HIVEP3: variants seen among roughly 807,000 people sequenced by gnomAD.
HIVEP3 encodes the protein transcription factor HIVEP3.
HIVEP3 carries 49 observed loss-of-function variants against 152.8 expected under a neutral mutation model. The ratio of observed to expected loss-of-function variants is 0.32; its 90% CI spans 0.26 to 0.41. The LOEUF (loss-of-function observed/expected upper bound fraction) is 0.41, where lower values mean the gene tolerates loss of function less well. Among genes scored for constraint, HIVEP3 ranks in the 10% least tolerant of loss-of-function variants. The pLI is 1.00. For synonymous variants in HIVEP3, 1,269 were observed against 1,289.0 expected (o/e 0.98, Z 0.33); for missense variants, 2,790 against 3,103.3 (o/e 0.90, Z 2.40).
In HIVEP3 at chr1:41,583,781, AG is replaced by A; in HGVS notation, c.1016del (p.Pro339LeufsTer12). 6.3e-7 allele frequency: 1 copy of A among 1,590,558 alleles called. No individual in the cohort carries two copies. The highest frequency in any genetic ancestry group is 1.3e-5 in the African/African-American group (1 of 74,252). On this transcript the variant is annotated frameshift_variant, in exon 4 of 9. Transcript: ENST00000372583. LOFTEE classifies it high-confidence loss of function. This position sits in a 1 kb window ranked among gnomAD's most constrained non-coding sequence, Gnocchi z 6.9. ...GCTCAGATGAGGGTTCCACAAATGG[AG>A]GGGGGTCTTCGAGTGACTGGGCTGT... ...SSTAQSLEDP[P>X]PFVEPSSEHP...
At chr1:41,684,056 G>T (rs1345535340) in intron 2 of HIVEP3, among the ~76,000 whole-genome samples, 1 of 152,198 alleles carries the variant, frequency 6.6e-6, no homozygotes, top group Admixed American at 6.5e-5. Context: ...ACCTTTGCCT[G>T]ACCTTGAGAT....
chr1:41,635,136 A>G (rs914876879), intron 2 of HIVEP3, among the ~76,000 whole-genome samples: 2 of 152,228 alleles, frequency 1.3e-5, no homozygotes, highest in African/African-American at 4.8e-5. Flanking sequence ...AACAAATAGC[A>G]AAAAATAAAA....
intron 1 of HIVEP3, among the ~76,000 whole-genome samples, chr1:41,995,383 T>C (rs1330080643): frequency 1.3e-5 from 2 of 152,138 alleles, no homozygotes; most frequent in African/African-American, 4.8e-5. Context: ...AAGAAAACAA[T>C]TGCCAATCTA....
At chr1:41,574,273 C>T (rs1256387112) in intron 5 of HIVEP3, among the ~76,000 whole-genome samples, 2 of 152,152 alleles carry the variant, frequency 1.3e-5, no homozygotes, top group Admixed American at 1.3e-4. Flanking sequence ...CAGAGACACA[C>T]GAGGGCGCTC....
intron 3 of HIVEP3, among the ~76,000 whole-genome samples, chr1:41,608,281 C>T (rs1052312137): frequency 6.6e-6 from 1 of 152,158 alleles, no homozygotes; most frequent in African/African-American, 2.4e-5. Flanking sequence ...CCACAATTGC[C>T]AAAAGAAGGA....
intron 1 of HIVEP3, among the ~76,000 whole-genome samples, chr1:41,842,704 A>G (rs1643324869): frequency 6.6e-6 from 1 of 152,170 alleles, no homozygotes; most frequent in Admixed American, 6.5e-5. Context: ...AAGAAAAGGA[A>G]GCAGCATTCT....
intron 1 of HIVEP3, among the ~76,000 whole-genome samples, chr1:41,852,529 T>C (rs1643633064): frequency 6.6e-6 from 1 of 152,232 alleles, no homozygotes; most frequent in Non-Finnish European, 1.5e-5. Context: ...GGGTGGGTTC[T>C]ACACTCCACT....
chr1:41,829,769 TA>T (rs1434561279), intron 1 of HIVEP3, among the ~76,000 whole-genome samples: 1 of 150,818 alleles, frequency 6.6e-6, no homozygotes, highest in Non-Finnish European at 1.5e-5. Context: ...TAGCCTTTTT[TA>T]AAAAAAAATG....
intron 1 of HIVEP3, among the ~76,000 whole-genome samples, chr1:41,868,479 G>A (rs1471637784): frequency 2.6e-5 from 4 of 152,200 alleles, no homozygotes; most frequent in East Asian, 3.9e-4. Flanking sequence ...CAGATGAACC[G>A]ATAAGACACT....
intron 1 of HIVEP3, among the ~76,000 whole-genome samples, chr1:41,911,680 C>T (rs751685406): frequency 1.3e-5 from 2 of 152,066 alleles, no homozygotes; most frequent in Non-Finnish European, 2.9e-5. Flanking sequence ...TATAAACTGC[C>T]ATATATTCAT....
At chr1:41,780,566 G>A (rs1286250515) in intron 1 of HIVEP3, among the ~76,000 whole-genome samples, 1 of 152,188 alleles carries the variant, frequency 6.6e-6, no homozygotes, top group East Asian at 1.9e-4. Context: ...ATTGGAGCAG[G>A]CCCCTTGACA....
chr1:41,792,329 C>T (rs1369299712), intron 1 of HIVEP3, among the ~76,000 whole-genome samples: 2 of 152,196 alleles, frequency 1.3e-5, no homozygotes, highest in Non-Finnish European at 2.9e-5. Context: ...AGGGCTTGCT[C>T]TTGAGCATAT....
At chr1:41,903,559 C>T (rs1174754567) in intron 1 of HIVEP3, among the ~76,000 whole-genome samples, 9 of 152,218 alleles carry the variant, frequency 5.9e-5, no homozygotes, top group Admixed American at 5.9e-4. Flanking sequence ...TTTCTCTCCT[C>T]AGGAGGGACC....
intron 3 of HIVEP3, among the ~76,000 whole-genome samples, chr1:41,598,701 C>T (rs1644702351): frequency 1.3e-5 from 2 of 152,080 alleles, no homozygotes; most frequent in Admixed American, 1.3e-4. Flanking sequence ...TTACTATAAG[C>T]TACAGTAATC....
At chr1:41,706,484 G>A (rs1464409673) in intron 1 of HIVEP3, among the ~76,000 whole-genome samples, 3 of 152,230 alleles carry the variant, frequency 2.0e-5, no homozygotes, top group African/African-American at 7.2e-5. Flanking sequence ...GTTTCAGCAT[G>A]TTGGCCAGGC....
chr1:41,685,000 G>A (rs111429553), intron 2 of HIVEP3, among the ~76,000 whole-genome samples: 2,433 of 152,234 alleles, frequency 0.016, 25 homozygotes, highest in Non-Finnish European at 0.018. Flanking sequence ...CTATCACCAC[G>A]TGCTTGTGTG....
At chr1:41,605,288 G>T (rs371464562) in intron 3 of HIVEP3, among the ~76,000 whole-genome samples, 1 of 151,592 alleles carries the variant, frequency 6.6e-6, no homozygotes, top group Admixed American at 6.6e-5. Context: ...TATTTACTCC[G>T]AAGGGGCATG....
At chr1:41,555,538 T>C (rs1477384000) in intron 5 of HIVEP3, among the ~76,000 whole-genome samples, 1 of 152,192 alleles carries the variant, frequency 6.6e-6, no homozygotes, top group Non-Finnish European at 1.5e-5. Context: ...ATGAACCAGG[T>C]ACCTCAGTTG....
rs576436486 is a variant in HIVEP3, at chr1:41,594,255, CT to C, written c.-521-8938del. Among the ~76,000 whole-genome samples, 407 of 152,272 alleles carry C rather than the reference CT, an allele frequency of 2.7e-3. 3 individuals carry two copies. Among genetic ancestry groups the C allele is most frequent in the Non-Finnish European group, 4.2e-3 (283 of 68,036 alleles). ...TATTATTTTTTGAAATGGAGTCTCGCTCTGTTGCCCAGGATGGAGTGCAGTG... is the reference window on the plus strand; with the variant it reads ...TATTATTTTTTGAAATGGAGTCTCGCCTGTTGCCCAGGATGGAGTGCAGTG... On this transcript the variant is annotated intron_variant, in intron 3 of 8. Transcript: ENST00000372583.
Sources: gnomAD v4.1 joint callset for allele counts (sites outside exome capture counted in the v4.1 genomes callset) on GRCh38, gnomAD v4.1.1 for gene constraint, Gnocchi (gnomAD v3.1) non-coding constraint, MANE v1.5 for transcripts, NCBI Gene and HGNC (gene_info 2026-07-23, HGNC 2026-07-21) for gene names.